Variants in ROS1 observed in about 807,000 individuals in gnomAD.
ROS1 encodes the protein ROS proto-oncogene 1, receptor tyrosine kinase.
Under a neutral mutation model 273.5 loss-of-function variants are expected in ROS1, and 263 were observed. The observed-to-expected ratio is 0.96, with a 90% confidence interval of 0.87 to 1.06. ROS1 has a LOEUF of 1.06. Among genes scored for constraint, ROS1 ranks in the 50% least tolerant of loss-of-function variants. The probability of loss-of-function intolerance (pLI) is 0.00; values close to 1 mark genes in which losing one functional copy is unlikely to be tolerated. For synonymous variants in ROS1, 1,008 were observed against 954.1 expected (o/e 1.06, Z -1.04); for missense variants, 2,833 against 2,751.1 (o/e 1.03, Z -0.67).
chr6:117,299,565 A>G (rs1774518734), intron 43 of ROS1: 1 of 152,232 alleles, frequency 6.6e-6, no homozygotes, highest in Non-Finnish European at 1.5e-5. Context: ...TAGCTCTGCA[A>G]GCTCTCAAGG....
Position 117,383,363 on chromosome 6 carries a change from TC to T in ROS1, c.2434del (p.Glu812LysfsTer17). The T allele has an allele frequency of 1.9e-6, 3 of 1,614,110 alleles. No homozygotes were observed. The highest frequency in any genetic ancestry group is 2.2e-5 in the South Asian group (2 of 91,074). On this transcript the variant is annotated frameshift_variant, in exon 17 of 44. Coordinates refer to ENST00000368507, the MANE Select transcript of ROS1 (RefSeq NM_001378902.1). LOFTEE classifies it high-confidence loss of function. ...CTGTGTCTGTAGTACAAGGGAACTTTCCCCATTTAGTCTGGTGCTTTCCACT... is the reference window on the plus strand; with the variant it reads ...CTGTGTCTGTAGTACAAGGGAACTTTCCCATTTAGTCTGGTGCTTTCCACT... Reference protein sequence around the residue: ...YSVESTRLNGESSLVLQTQPW... With the variant: ...YSVESTRLNGXSSLVLQTQPW...
intron 9 of ROS1, 112 bp from the exon 10 acceptor site, chr6:117,394,850 G>A (rs1273203732): frequency 2.1e-6 from 2 of 940,444 alleles, no homozygotes; most frequent in Non-Finnish European, 1.5e-6. Context: ...CTTGAAAGAG[G>A]CTGGTCAAAT....
chr6:117,310,588 T>C (rs1468644199), intron 40 of ROS1, among the ~76,000 whole-genome samples: 1 of 151,990 alleles, frequency 6.6e-6, no homozygotes, highest in Non-Finnish European at 1.5e-5. Flanking sequence ...TTCCCCTCCC[T>C]GTGTCCATGT....
intron 27 of ROS1, among the ~76,000 whole-genome samples, chr6:117,347,606 T>C (rs1778484030): frequency 6.6e-6 from 1 of 152,080 alleles, no homozygotes; most frequent in African/African-American, 2.4e-5. Flanking sequence ...TCCACTGCAG[T>C]GTTGAAAAGA....
At chr6:117,348,256 T>G (rs1167488203) in intron 27 of ROS1, among the ~76,000 whole-genome samples, 1 of 152,024 alleles carries the variant, frequency 6.6e-6, no homozygotes, top group African/African-American at 2.4e-5. Flanking sequence ...TGATTCCACT[T>G]ATTTAATAGA....
Position 117,329,433 on chromosome 6 carries a change from A to G in ROS1, c.5244T>C (p.Asn1748=), listed in dbSNP as rs376099341. Residue 1748 remains asparagine (N), a synonymous_variant, in exon 33 of 44, where the codon AAT becomes AAC. Transcript: ENST00000368507. ...ESFKTKAGVP[N]KPGIPKLLEG... Reference sequence around the variant, plus strand: ...CTAGTAATTTGGGAATGCCTGGTTTATTTGGGACTCCAGCTTTAGGGAAAA... The same window carrying G: ...CTAGTAATTTGGGAATGCCTGGTTTGTTTGGGACTCCAGCTTTAGGGAAAA... 1 of 1,562,346 alleles carries G rather than the reference A, an allele frequency of 6.4e-7. No individual in the cohort carries two copies. The highest frequency in any genetic ancestry group is 1.4e-5 in the African/African-American group (1 of 73,708).
intron 14 of ROS1, 102 bp from the exon 15 acceptor site, chr6:117,387,101 T>C: frequency 1.9e-6 from 1 of 528,130 alleles, no homozygotes; most frequent in Non-Finnish European, 3.4e-6. Flanking sequence ...TGATTTTCTA[T>C]ATAAAGTAAA....
rs1773593324 is a variant in ROS1 at position 117,288,574 on chromosome 6, A to C, written c.6944T>G (p.Val2315Gly). The C allele has an allele frequency of 6.2e-7, 1 of 1,614,168 alleles. No homozygotes were observed. The highest frequency in any genetic ancestry group is 8.5e-7 in the Non-Finnish European group (1 of 1,180,024). Residue 2315 changes from valine to glycine, a missense_variant, in exon 44 of 44, where the codon GTG (valine) becomes GGG (glycine). Val to Gly is a moderately radical substitution (Grantham distance 109, BLOSUM62 -3). Coordinates refer to ENST00000368507, the MANE Select transcript of ROS1 (RefSeq NM_001378902.1). The part of the protein sequence containing the change: ...ADKDFCQEKQ[V>G]AYCPSGKPEG... Reference sequence around the variant, plus strand: ...AGGCTTGCCAGAAGGGCAGTAAGCCACTTGTTTTTCTTGGCAGAAATCTTT... The same window carrying C: ...AGGCTTGCCAGAAGGGCAGTAAGCCCCTTGTTTTTCTTGGCAGAAATCTTT...
chr6:117,317,943 T>C (rs544227612), intron 38 of ROS1, among the ~76,000 whole-genome samples: 44 of 152,258 alleles, frequency 2.9e-4, no homozygotes, highest in Non-Finnish European at 5.6e-4. Context: ...AGAATTCATT[T>C]GCAAAACATG....
Position 117,376,652 on chromosome 6 carries a change from T to A in ROS1, c.2582+2407A>T, listed in dbSNP as rs530494202. Among the ~76,000 whole-genome samples, 5 of 152,104 alleles carry A rather than the reference T, an allele frequency of 3.3e-5. No homozygotes were observed. In the East Asian group the frequency reaches 7.7e-4, roughly 23 times the overall value. ...ATTTAGAAAATGGAATTTTAAAAAG[T>A]AACATATATAAAGCATTAAAAAAAT... is the stretch of plus-strand genomic sequence containing the variant. On this transcript the variant is annotated intron_variant, in intron 18 of 43. Transcript: ENST00000368507.
chr6:117,302,041 T>C, intron 42 of ROS1, among the ~76,000 whole-genome samples: 1 of 152,336 alleles, frequency 6.6e-6, no homozygotes, highest in South Asian at 2.1e-4. Flanking sequence ...CTTGTCCTCA[T>C]AGATGATATG....
At chr6:117,405,427 G>A (rs1483870600) in intron 5 of ROS1, among the ~76,000 whole-genome samples, 1 of 152,088 alleles carries the variant, frequency 6.6e-6, no homozygotes, top group South Asian at 2.1e-4. Context: ...GCAAAGCACA[G>A]CTCCATTTTC....
chr6:117,306,647 C>T (rs1248609897), intron 42 of ROS1, among the ~76,000 whole-genome samples: 1 of 152,128 alleles, frequency 6.6e-6, no homozygotes, highest in African/African-American at 2.4e-5. Context: ...AGTATTTAAG[C>T]AGTAAATGGA....
At chr6:117,403,069 T>G in intron 7 of ROS1, 70 bp downstream of exon 7, 1 of 1,548,532 alleles carries the variant, frequency 6.5e-7, no homozygotes, top group Non-Finnish European at 8.9e-7. Flanking sequence ...TTTCATTGTT[T>G]AAAATAAAAA....
At chr6:117,352,111 C>T (rs946789810) in intron 27 of ROS1, among the ~76,000 whole-genome samples, 20 of 152,126 alleles carry the variant, frequency 1.3e-4, no homozygotes, top group Non-Finnish European at 2.2e-4. Flanking sequence ...AGACGAGTCT[C>T]GCTCAGTCGC....
chr6:117,334,119 C>T (rs1777293510), intron 32 of ROS1, among the ~76,000 whole-genome samples: 1 of 152,192 alleles, frequency 6.6e-6, no homozygotes, highest in African/African-American at 2.4e-5. Flanking sequence ...CCAAAAACTT[C>T]TTGAACTGAT....
chr6:117,380,069 T>A (rs13209706), intron 17 of ROS1, among the ~76,000 whole-genome samples: 27,115 of 152,100 alleles, frequency 0.18, 2,633 homozygotes, highest in South Asian at 0.32. Context: ...TGTTTTTGCT[T>A]TCTTTGGCTT....
chr6:117,379,723 T>C (rs1210795419), intron 17 of ROS1, among the ~76,000 whole-genome samples: 1 of 152,172 alleles, frequency 6.6e-6, no homozygotes, highest in African/African-American at 2.4e-5. Context: ...TAGGCTCCAG[T>C]ATGCTTTAAA....
chr6:117,314,263 G>A (rs188332378), intron 39 of ROS1, among the ~76,000 whole-genome samples: 2 of 152,232 alleles, frequency 1.3e-5, no homozygotes, highest in African/African-American at 2.4e-5. Flanking sequence ...CAAATCAACT[G>A]TCATGAGAAC....
Sources: gnomAD v4.1 joint callset for allele counts (sites outside exome capture counted in the v4.1 genomes callset) on GRCh38, gnomAD v4.1.1 for gene constraint, MANE v1.5 for transcripts, NCBI Gene and HGNC (gene_info 2026-07-23, HGNC 2026-07-21) for gene names.